Variants in GRM1 observed in about 807,000 individuals in gnomAD.
GRM1 encodes metabotropic glutamate receptor 1.
A neutral mutation model predicts 90.9 loss-of-function variants in GRM1; 33 were observed. The ratio of observed to expected loss-of-function variants is 0.36; its 90% CI spans 0.28 to 0.49. The LOEUF (loss-of-function observed/expected upper bound fraction) is 0.49, where lower values mean the gene tolerates loss of function less well. GRM1 is among the 20% of genes least tolerant of loss of function. The pLI is 0.99. For synonymous variants in GRM1, 700 were observed against 613.2 expected, an observed-to-expected ratio of 1.14 and a Z score of -2.09; for missense variants, 1,190 against 1,534.3, an observed-to-expected ratio of 0.78 and a Z score of 3.75.
chr6:146,364,118 C>A (rs889149101), intron 5 of GRM1, among the ~76,000 whole-genome samples: 1 of 152,232 alleles, frequency 6.6e-6, no homozygotes, highest in East Asian at 1.9e-4. Context: ...ATTTTATACT[C>A]AATTTTTCCA....
intron 2 of GRM1, among the ~76,000 whole-genome samples, chr6:146,281,588 G>A (rs1782570725): frequency 6.6e-6 from 1 of 152,112 alleles, no homozygotes; most frequent in Admixed American, 6.6e-5. Context: ...TATCATTTCT[G>A]GAGGCTATAT....
At chr6:146,385,754 TA>T (rs1776478169) in intron 5 of GRM1, among the ~76,000 whole-genome samples, 1 of 151,922 alleles carries the variant, frequency 6.6e-6, no homozygotes. Flanking sequence ...GTCTATAAAA[TA>T]AATATGTGGA....
rs73578827 is a variant in GRM1 at position 146,090,566 on chromosome 6, C to A, written c.700+60349C>A. On this transcript the variant is annotated intron_variant, in intron 1 of 7. Coordinates refer to ENST00000282753, the MANE Select transcript of GRM1 (RefSeq NM_001278064.2). ...CCTTTATTGGAGCAAAATAAACTCT[C>A]TTAACTATAATGTAATCCCTGCCCC... Among the ~76,000 whole-genome samples the A allele has an allele frequency of 1.0e-2, 1,517 of 152,218 alleles. 22 individuals are homozygous for A. The highest frequency in any genetic ancestry group is 0.035 in the African/African-American group (1,440 of 41,548).
At chr6:146,306,204 C>A (rs765951282) in intron 3 of GRM1, among the ~76,000 whole-genome samples, 2 of 152,094 alleles carry the variant, frequency 1.3e-5, no homozygotes, top group African/African-American at 2.4e-5. Context: ...CATTGCTAAA[C>A]AATAACCCAC....
Position 146,320,907 on chromosome 6 carries a change from T to C in GRM1, c.1186+16061T>C, listed in dbSNP as rs577468775. On this transcript the variant is annotated intron_variant, in intron 3 of 7. Coordinates refer to ENST00000282753, the MANE Select transcript of GRM1 (RefSeq NM_001278064.2). ...GCAGTCTATCTATTTGGTTAATCTT[T>C]TCAAAAAAGCACCTCCTGAATTCAC... Among the ~76,000 whole-genome samples the C allele has an allele frequency of 7.8e-4, 118 of 152,224 alleles. 2 individuals carry two copies. The highest frequency in any genetic ancestry group is 2.7e-3 in the African/African-American group (111 of 41,550).
chr6:146,236,981 A>G (rs1324120476), intron 2 of GRM1, among the ~76,000 whole-genome samples: 1 of 152,096 alleles, frequency 6.6e-6, no homozygotes, highest in East Asian at 1.9e-4. Flanking sequence ...TTCACACTTC[A>G]CCTTTAGCAA....
chr6:146,342,802 G>T (rs1354434687), intron 3 of GRM1, among the ~76,000 whole-genome samples: 1 of 152,108 alleles, frequency 6.6e-6, no homozygotes, highest in Non-Finnish European at 1.5e-5. Context: ...TTGCATTTTA[G>T]AATACTGTTA....
chr6:146,306,168 C>T (rs904655907), intron 3 of GRM1, among the ~76,000 whole-genome samples: 5 of 151,984 alleles, frequency 3.3e-5, no homozygotes, highest in Non-Finnish European at 7.4e-5. Context: ...TCTAGGGAGG[C>T]GGCGAAAGGC....
chr6:146,432,074 A>G (rs954541805), intron 7 of GRM1, among the ~76,000 whole-genome samples: 5 of 152,216 alleles, frequency 3.3e-5, no homozygotes, highest in Admixed American at 6.5e-5. Context: ...TTCCAACAAG[A>G]TAGTGTGGAA....
At chr6:146,112,886 A>G (rs1290220716) in intron 1 of GRM1, among the ~76,000 whole-genome samples, 1 of 152,172 alleles carries the variant, frequency 6.6e-6, no homozygotes, top group African/African-American at 2.4e-5. Context: ...GAGCGTCAAC[A>G]CACATTTAAA....
chr6:146,043,947 G>A (rs995930868), intron 1 of GRM1, among the ~76,000 whole-genome samples: 6 of 151,408 alleles, frequency 4.0e-5, no homozygotes, highest in African/African-American at 7.3e-5. Flanking sequence ...AGTTTAATAC[G>A]CTAAAGATGA....
intron 3 of GRM1, among the ~76,000 whole-genome samples, chr6:146,334,361 A>C (rs1282590579): frequency 6.6e-6 from 1 of 152,188 alleles, no homozygotes; most frequent in Non-Finnish European, 1.5e-5. Flanking sequence ...TGACATCAGG[A>C]ATGCTTTTAC....
At chr6:146,379,932 C>G (rs1583414755) in intron 5 of GRM1, among the ~76,000 whole-genome samples, 1 of 41,826 alleles carries the variant, frequency 2.4e-5, no homozygotes, top group Admixed American at 1.9e-4. Flanking sequence ...CAGAGTCTGT[C>G]TCTCTCTCTC....
At chr6:146,331,315 C>T (rs1217625195) in intron 3 of GRM1, among the ~76,000 whole-genome samples, 2 of 152,074 alleles carry the variant, frequency 1.3e-5, no homozygotes, top group African/African-American at 4.8e-5. Context: ...TTGTGCCAGC[C>T]CTGAGAGAAC....
At position 146,436,377 on chromosome 6, in the gene GRM1, A is replaced by T. The variant is rs1778594217; in HGVS notation, c.*1581A>T. The T allele has an allele frequency of 6.6e-6, 1 of 152,258 alleles. No homozygotes were observed. Among genetic ancestry groups the T allele is most frequent in the African/African-American group, 2.4e-5 (1 of 41,476 alleles). The allele number at this position is 152,258 out of a possible 1,614,324, so 9.4% of individuals were successfully genotyped here. ...AAAACTGAGAGTGAAAATAAAAGGT[A>T]CATTTTATAAGCTTGCACACATTAT... On this transcript the variant is annotated 3_prime_UTR_variant, in exon 8 of 8. Coordinates refer to ENST00000282753, the MANE Select transcript of GRM1 (RefSeq NM_001278064.2).
chr6:146,270,280 A>G (rs925934328), intron 2 of GRM1, among the ~76,000 whole-genome samples: 8 of 152,160 alleles, frequency 5.3e-5, no homozygotes, highest in Non-Finnish European at 1.0e-4. Context: ...TCAAAAAGAG[A>G]TGATCAGCAT....
At chr6:146,343,885 A>T (rs1281515800) in intron 3 of GRM1, among the ~76,000 whole-genome samples, 1 of 152,132 alleles carries the variant, frequency 6.6e-6, no homozygotes, top group African/African-American at 2.4e-5. Flanking sequence ...TTCCCCAAAA[A>T]GTCCTGATCC....
intron 3 of GRM1, among the ~76,000 whole-genome samples, chr6:146,344,344 C>T (rs996221556): frequency 6.6e-6 from 1 of 152,210 alleles, no homozygotes; most frequent in Non-Finnish European, 1.5e-5. Context: ...TTCGCTCAGA[C>T]TGTGACCTCT....
At chr6:146,341,603 A>C (rs1784984091) in intron 3 of GRM1, among the ~76,000 whole-genome samples, 1 of 152,228 alleles carries the variant, frequency 6.6e-6, no homozygotes, top group African/African-American at 2.4e-5. Flanking sequence ...TGAAGACATC[A>C]TCCGAAAAGG....
Sources: allele counts gnomAD v4.1 joint callset (sites outside exome capture counted in the v4.1 genomes callset), GRCh38; gene constraint gnomAD v4.1.1; transcripts MANE v1.5; gene names NCBI Gene and HGNC (gene_info 2026-07-23, HGNC 2026-07-21).